RYR2: variants seen among roughly 807,000 people sequenced by gnomAD.
The protein encoded by RYR2 is cardiac muscle ryanodine receptor-calcium release channel.
Under a neutral mutation model 601.1 loss-of-function variants are expected in RYR2, and 227 were observed. That is an observed-to-expected ratio of 0.38 (90% CI 0.34 to 0.42). RYR2 has a LOEUF of 0.42. RYR2 is among the 10% of genes least tolerant of loss of function. RYR2 has a pLI of 1.00. For missense variants in RYR2, 4,646 were observed against 6,156.5 expected (o/e 0.75, Z 8.21); for synonymous variants, 2,223 against 2,175.1 (o/e 1.02, Z -0.61).
At chr1:237,809,181 G>C (rs1660992265) in intron 100 of RYR2, 146 bp downstream of exon 100, 1 of 755,636 alleles carries the variant, frequency 1.3e-6, no homozygotes, top group African/African-American at 1.7e-5. Context: ...AGATTCAGCA[G>C]TTTTCAATTT....
intron 31 of RYR2, among the ~76,000 whole-genome samples, chr1:237,591,493 T>G (rs755912255): frequency 1.3e-4 from 20 of 152,028 alleles, no homozygotes; most frequent in Non-Finnish European, 2.6e-4. Context: ...GACAATTCTT[T>G]GTTGAGGACA....
At chr1:237,496,878 G>A in intron 20 of RYR2, 126 bp downstream of exon 20, 4 of 1,116,302 alleles carry the variant, frequency 3.6e-6, no homozygotes, top group Non-Finnish European at 3.8e-6. Flanking sequence ...ATTTAGCATT[G>A]AGATGATGAG....
intron 97 of RYR2, among the ~76,000 whole-genome samples, chr1:237,800,308 T>A (rs1217606990): frequency 1.2e-4 from 19 of 152,252 alleles, no homozygotes; most frequent in African/African-American, 4.6e-4. Flanking sequence ...CTTTTTTCAT[T>A]TAAGAAAAAA....
chr1:237,537,558 G>A (rs549715527), intron 25 of RYR2, among the ~76,000 whole-genome samples: 2 of 152,204 alleles, frequency 1.3e-5, no homozygotes, highest in South Asian at 2.1e-4. Flanking sequence ...CAGGTGATCC[G>A]CCTGCCTTGG....
chr1:237,654,443 T>C lies in RYR2; in HGVS notation c.7965+29T>C, dbSNP rs1284070023. ...ATTTAATGGTTTGTGGGTTTGTTTG[T>C]ATCAATAAAATGGTATAGAGCCACA... is the stretch of plus-strand genomic sequence containing the variant. On this transcript the variant is annotated intron_variant, in intron 52 of 104. Transcript: ENST00000366574. 1.9e-6 allele frequency: 3 copies of C among 1,610,826 alleles called. No homozygotes were observed. In the Admixed American group the frequency reaches 5.0e-5, roughly 27 times the overall value.
In RYR2 at chr1:237,674,126, A is replaced by C; in HGVS notation, c.8621A>C (p.Tyr2874Ser). 1 of 1,612,148 alleles carries C rather than the reference A, an allele frequency of 6.2e-7. No homozygotes were observed. Among genetic ancestry groups the C allele is most frequent in the Non-Finnish European group, 8.5e-7 (1 of 1,178,310 alleles). ...GGGNHPLLVP[Y>S]DTLTAKEKAK... ...GGAAACCATCCTCTGCTGGTGCCCT[A>C]TGATACACTGACAGCCAAAGAGAAA... The change falls in exon 59 of 105, where the codon TAT becomes TCT. Residue 2874 changes from tyrosine to serine, a missense_variant. Tyr to Ser is a moderately radical substitution (Grantham distance 144). This residue lies in a region of RYR2 where 1,497 missense variants were observed against 1,842.6 expected (regional missense o/e 0.81). Transcript: ENST00000366574.
intron 1 of RYR2, among the ~76,000 whole-genome samples, chr1:237,198,418 GT>G (rs1181877754): frequency 1.4e-5 from 2 of 144,980 alleles, no homozygotes; most frequent in Non-Finnish European, 3.0e-5. Context: ...TTTTAAGTAT[GT>G]TTGAATATAG....
At chr1:237,219,411 T>C (rs1176617009) in intron 1 of RYR2, among the ~76,000 whole-genome samples, 1 of 152,202 alleles carries the variant, frequency 6.6e-6, no homozygotes, top group Non-Finnish European at 1.5e-5. Flanking sequence ...TGGAGGACAT[T>C]ATGGCTCCAT....
Position 237,610,908 on chromosome 1 carries a change from A to T in RYR2, c.4830A>T (p.Arg1610=). The change falls in exon 36 of 105, where the codon CGA becomes CGT. Residue 1610 remains arginine (R), a synonymous_variant. Transcript: ENST00000366574. The surrounding 1 kb of genome is among the most constrained non-coding windows in gnomAD (Gnocchi z 4.9). The stretch of plus-strand genomic sequence containing the variant: ...AGTTTTTGAAGGTAGATGTGTCTCG[A>T]ATAAGTGAACGCCAAGGCTGGTTGG... The part of the protein sequence containing the change: ...PNQFLKVDVS[R]ISERQGWLVQ... The T allele has an allele frequency of 3.7e-6, 6 of 1,613,498 alleles. No individual in the cohort carries two copies. The highest frequency in any genetic ancestry group is 5.1e-6 in the Non-Finnish European group (6 of 1,179,720).
chr1:237,724,477 G>A (rs975873867), intron 74 of RYR2, among the ~76,000 whole-genome samples: 13 of 151,460 alleles, frequency 8.6e-5, no homozygotes, highest in African/African-American at 3.2e-4. Context: ...CTATTGTCAT[G>A]CAATTTATCA....
At chr1:237,165,278 C>T (rs1676573282) in intron 1 of RYR2, among the ~76,000 whole-genome samples, 2 of 152,104 alleles carry the variant, frequency 1.3e-5, no homozygotes, top group South Asian at 2.1e-4. Context: ...AAATCAGTAA[C>T]GCTGTAGAAA....
chr1:237,737,775 T>C (rs1384707276), intron 79 of RYR2, among the ~76,000 whole-genome samples: 1 of 152,236 alleles, frequency 6.6e-6, no homozygotes, highest in Non-Finnish European at 1.5e-5. Flanking sequence ...TAACCTACTT[T>C]GTTTTCAATC....
intron 1 of RYR2, among the ~76,000 whole-genome samples, chr1:237,203,809 T>C (rs1034759153): frequency 2.0e-4 from 31 of 152,198 alleles, no homozygotes; most frequent in Non-Finnish European, 2.9e-5. Flanking sequence ...TAATCAAGAA[T>C]ATCTCCATCC....
At chr1:237,217,797 A>AT (rs1286187740) in intron 1 of RYR2, among the ~76,000 whole-genome samples, 4 of 152,186 alleles carry the variant, frequency 2.6e-5, no homozygotes, top group African/African-American at 9.7e-5. Context: ...ATGCACCCTG[A>AT]GTATGCCCCA....
intron 80 of RYR2, among the ~76,000 whole-genome samples, chr1:237,753,182 AC>A (rs907686567): frequency 2.0e-5 from 3 of 152,340 alleles, no homozygotes; most frequent in African/African-American, 7.2e-5. Flanking sequence ...CATCTCCATT[AC>A]AAAGATAAAC....
Position 237,291,832 on chromosome 1 carries a change from A to T in RYR2, c.168+21216A>T, listed in dbSNP as rs1369420722. ...GTGAAACTATTTTGTAAGATACTGC[A>T]GTGGTGGTTATGTCATTATAAATTT... On this transcript the variant is annotated intron_variant, in intron 2 of 104. Coordinates refer to ENST00000366574, the MANE Select transcript of RYR2 (RefSeq NM_001035.3). Among the ~76,000 whole-genome samples the T allele has an allele frequency of 2.0e-5, 3 of 152,328 alleles. No homozygotes were observed. The South Asian group carries it at 6.2e-4, about 32-fold the overall frequency.
Position 237,593,493 on chromosome 1 carries a change from A to G in RYR2, c.4293A>G (p.Arg1431=). 6.2e-7 allele frequency: 1 copy of G among 1,613,202 alleles called. No homozygotes were observed. The highest frequency in any genetic ancestry group is 8.5e-7 in the Non-Finnish European group (1 of 1,179,620). The change falls in exon 33 of 105, where the codon AGA becomes AGG. Residue 1431 remains arginine, a synonymous_variant. Transcript: ENST00000366574. ...MQTSTYYYSV[R]IFPGQEPANV... ...CTTCACAGTACTATTACTCAGTGAG[A>G]ATCTTTCCTGGACAAGAACCTGCTA...
chr1:237,644,363 G>T (rs909740661), intron 48 of RYR2, among the ~76,000 whole-genome samples: 6 of 152,004 alleles, frequency 3.9e-5, no homozygotes, highest in Non-Finnish European at 8.8e-5. Context: ...CTCCCAAGTA[G>T]CAGGGACTAC....
intron 16 of RYR2, 53 bp downstream of exon 16, chr1:237,456,788 A>G: frequency 3.1e-6 from 5 of 1,594,118 alleles, no homozygotes; most frequent in South Asian, 1.1e-5. Context: ...TAAAATGTCC[A>G]TAAATGGACT....
Sources: gnomAD v4.1 joint callset for allele counts (sites outside exome capture counted in the v4.1 genomes callset) on GRCh38, gnomAD v4.1.1 for gene constraint, gnomAD v4.1.1 regional missense constraint, Gnocchi (gnomAD v3.1) non-coding constraint, MANE v1.5 for transcripts, NCBI Gene and HGNC (gene_info 2026-07-23, HGNC 2026-07-21) for gene names.